The following CRB1 variants were observed in gnomAD, a reference collection of about 807,000 sequenced individuals.
CRB1 encodes the protein crumbs cell polarity complex component 1, also known as protein crumbs homolog 1.
Under a neutral mutation model 120.0 loss-of-function variants are expected in CRB1, and 83 were observed. That is an observed-to-expected ratio of 0.69 (90% confidence interval 0.58 to 0.83). The LOEUF (loss-of-function observed/expected upper bound fraction) is 0.83. Ranked by LOEUF, CRB1 falls within the 40% of genes least tolerant of loss-of-function variation. The pLI is 0.00. For synonymous variants in CRB1, 625 were observed against 612.5 expected, an observed-to-expected ratio of 1.02 and a Z score of -0.30; for missense variants, 1,699 against 1,687.6, an observed-to-expected ratio of 1.01 and a Z score of -0.12.
chr1:197,367,914 G>A (rs749045127), intron 5 of CRB1, among the ~76,000 whole-genome samples: 16 of 152,332 alleles, frequency 1.1e-4, no homozygotes, highest in Middle Eastern at 3.4e-3. Flanking sequence ...CCCGATGAGA[G>A]CCACCTGGCA....
At chr1:197,418,892 T>C (rs1478463096) in intron 5 of CRB1, among the ~76,000 whole-genome samples, 1 of 152,196 alleles carries the variant, frequency 6.6e-6, no homozygotes, top group Non-Finnish European at 1.5e-5. Context: ...ATTTCTCATA[T>C]AAAATTACGC....
At chr1:197,245,183 G>A in the CRB1 span, among the ~76,000 whole-genome samples, 1 of 151,936 alleles carries the variant, frequency 6.6e-6, no homozygotes, top group East Asian at 1.9e-4. Context: ...TGAACATTAG[G>A]TATATCTCCT....
chr1:197,295,019 AC>A (rs1480624690), intron 1 of CRB1, among the ~76,000 whole-genome samples: 2 of 152,170 alleles, frequency 1.3e-5, no homozygotes, highest in Non-Finnish European at 2.9e-5. Context: ...GCAAACCTGC[AC>A]GTTGTGCACA....
At chr1:197,241,118 A>G in the CRB1 span, among the ~76,000 whole-genome samples, 2 of 152,194 alleles carry the variant, frequency 1.3e-5, no homozygotes, top group African/African-American at 4.8e-5. Flanking sequence ...TCAGATGGAT[A>G]GATTGCAAAA....
At chr1:197,342,696 C>G (rs1659538931) in intron 2 of CRB1, among the ~76,000 whole-genome samples, 1 of 152,088 alleles carries the variant, frequency 6.6e-6, no homozygotes, top group Non-Finnish European at 1.5e-5. Flanking sequence ...TTAGAGTTGT[C>G]TTTGCTTCCA....
At chr1:197,331,350 A>G (rs1218772577) in intron 2 of CRB1, among the ~76,000 whole-genome samples, 1 of 152,228 alleles carries the variant, frequency 6.6e-6, no homozygotes, top group Non-Finnish European at 1.5e-5. Context: ...TATTTTATGT[A>G]TACTCTATGA....
chr1:197,278,885 C>T (rs889273853), intron 1 of CRB1, among the ~76,000 whole-genome samples: 1 of 151,788 alleles, frequency 6.6e-6, no homozygotes, highest in Non-Finnish European at 1.5e-5. Flanking sequence ...GTGGGGTGGG[C>T]ATATGTGTAA....
chr1:197,303,636 C>T (rs1054700834), intron 1 of CRB1, among the ~76,000 whole-genome samples: 1 of 151,814 alleles, frequency 6.6e-6, no homozygotes, highest in Non-Finnish European at 1.5e-5. Context: ...AAAAAATAAG[C>T]GACTTGTCCT....
At chr1:197,432,934 G>A (rs565975500) in intron 8 of CRB1, among the ~76,000 whole-genome samples, 1 of 152,180 alleles carries the variant, frequency 6.6e-6, no homozygotes, top group Admixed American at 6.5e-5. Flanking sequence ...GAACAAGCTT[G>A]GTGTATCTTC....
the CRB1 span, among the ~76,000 whole-genome samples, chr1:197,252,572 ATATATATATATGTGTGTGTGTGTG>A: frequency 6.2e-5 from 3 of 48,600 alleles, no homozygotes; most frequent in African/African-American, 1.9e-4. Context: ...ATATATATAT[ATATATATATATGTGTGTGTGTGTG>A]TGTGTGTGTG....
At chr1:197,317,697 C>T (rs1657936173) in intron 1 of CRB1, among the ~76,000 whole-genome samples, 2 of 152,134 alleles carry the variant, frequency 1.3e-5, no homozygotes, top group Non-Finnish European at 1.5e-5. Context: ...ATCCCTGCAT[C>T]TACGGCCCAC....
chr1:197,268,583 C>A, intron 1 of CRB1, 101 bp downstream of exon 1: 4 of 949,336 alleles, frequency 4.2e-6, no homozygotes, highest in Non-Finnish European at 6.7e-6. Context: ...AAATACAATG[C>A]TAAAAAAGGA....
chr1:197,427,577 T>A lies in CRB1; in HGVS notation c.2252T>A (p.Leu751Ter), dbSNP rs1409490389. ...GTCCGAACGCTTCAACCATCAGGCT[T>A]ACTTCTAGCTTTGGAAAACAGCACT... The part of the protein sequence containing the change: ...MFVRTLQPSG[L>*]LLALENSTYQ... Residue 751 changes from leucine (L) to a stop codon, truncating the protein, a stop_gained, in exon 7 of 12, where the codon TTA becomes TAA. Coordinates refer to ENST00000367400, the MANE Select transcript of CRB1 (RefSeq NM_201253.3). LOFTEE classifies it high-confidence loss of function. 6.2e-6 allele frequency: 10 copies of A among 1,613,898 alleles called. No homozygotes were observed. The highest frequency in any genetic ancestry group is 1.1e-5 in the South Asian group (1 of 91,080).
At chr1:197,338,215 T>TC (rs1325138937) in intron 2 of CRB1, among the ~76,000 whole-genome samples, 1 of 152,130 alleles carries the variant, frequency 6.6e-6, no homozygotes, top group Non-Finnish European at 1.5e-5. Context: ...TGTGGGTGTA[T>TC]ATATATGTAT....
chr1:197,203,603 G>A, the CRB1 span, among the ~76,000 whole-genome samples: 1 of 152,188 alleles, frequency 6.6e-6, no homozygotes, highest in South Asian at 2.1e-4. Context: ...GGGATTATAG[G>A]TGTGAGCCAT....
intron 1 of CRB1, among the ~76,000 whole-genome samples, chr1:197,312,409 C>A (rs1657584777): frequency 6.6e-6 from 1 of 151,866 alleles, no homozygotes; most frequent in African/African-American, 2.4e-5. Flanking sequence ...ACTAAAAATA[C>A]AAAAAAACAA....
intron 5 of CRB1, among the ~76,000 whole-genome samples, chr1:197,374,218 G>A (rs1479598322): frequency 2.6e-5 from 4 of 152,144 alleles, no homozygotes; most frequent in Non-Finnish European, 4.4e-5. Context: ...TTTGATTCTA[G>A]TTGTTCTCAT....
intron 5 of CRB1, among the ~76,000 whole-genome samples, chr1:197,386,336 C>T (rs1261556900): frequency 2.0e-5 from 3 of 152,104 alleles, no homozygotes; most frequent in African/African-American, 4.8e-5. Flanking sequence ...TATTATTATT[C>T]CACATCTTTG....
intron 5 of CRB1, among the ~76,000 whole-genome samples, chr1:197,393,625 G>A (rs1406925554): frequency 6.6e-6 from 1 of 151,972 alleles, no homozygotes; most frequent in Non-Finnish European, 1.5e-5. Flanking sequence ...TGATTTGAAT[G>A]ACCAAACTCT....
Sources: gnomAD v4.1 joint callset for allele counts (sites outside exome capture counted in the v4.1 genomes callset) on GRCh38, gnomAD v4.1.1 for gene constraint, MANE v1.5 for transcripts, NCBI Gene and HGNC (gene_info 2026-07-23, HGNC 2026-07-21) for gene names.